The following CENPU variants were observed in gnomAD, a reference collection of about 807,000 sequenced individuals.
CENPU encodes centromere protein U, also known as KSHV latent nuclear antigen interacting protein 1.
In CENPU, 46 loss-of-function variants were observed where a neutral mutation model predicts 56.7. That is an observed-to-expected ratio of 0.81 (90% confidence interval 0.64 to 1.04). The LOEUF is 1.04. Among genes scored for constraint, CENPU ranks in the 50% least tolerant of loss-of-function variants. The pLI, the probability that CENPU is intolerant of heterozygous loss-of-function variation, is 0.00. For synonymous variants in CENPU, 166 were observed against 163.0 expected (o/e 1.02, Z -0.14); for missense variants, 510 against 490.1 (o/e 1.04, Z -0.38).
chr4:184,723,431 T>C (rs1253952444), intron 4 of CENPU, among the ~76,000 whole-genome samples: 1 of 152,200 alleles, frequency 6.6e-6, no homozygotes, highest in Non-Finnish European at 1.5e-5. Flanking sequence ...TTTATATTTT[T>C]AAACCATGTG....
At position 184,694,721 on chromosome 4, in the gene CENPU, A is replaced by G. The variant is rs139439382; in HGVS notation, c.*567T>C. The G allele has an allele frequency of 2.1e-5, 34 of 1,613,136 alleles. No homozygotes were observed. Among genetic ancestry groups the G allele is most frequent in the African/African-American group, 2.7e-5 (2 of 74,926 alleles). On this transcript the variant is annotated 3_prime_UTR_variant, in exon 13 of 13. Coordinates refer to ENST00000281453, the MANE Select transcript of CENPU (RefSeq NM_024629.4). ...GCTGCAGAGAACAGTCTTCTCAGTT[A>G]TAACAGTGAAGTGGATGAAATTCCT...
intron 8 of CENPU, among the ~76,000 whole-genome samples, chr4:184,704,412 C>T (rs187266184): frequency 1.8e-4 from 27 of 152,058 alleles, no homozygotes; most frequent in African/African-American, 5.3e-4. Context: ...AGTGTGTATC[C>T]TGGGAGGAAT....
chr4:184,717,613 T>C (rs1345518126), intron 4 of CENPU, among the ~76,000 whole-genome samples: 1 of 152,220 alleles, frequency 6.6e-6, no homozygotes, highest in Non-Finnish European at 1.5e-5. Flanking sequence ...TGAAAACTCA[T>C]CTTTTCATTC....
At chr4:184,705,900 A>G (rs1019286184) in intron 8 of CENPU, among the ~76,000 whole-genome samples, 1 of 152,238 alleles carries the variant, frequency 6.6e-6, no homozygotes, top group Non-Finnish European at 1.5e-5. Flanking sequence ...AAGTATTCGA[A>G]GTAGTCAACT....
intron 11 of CENPU, among the ~76,000 whole-genome samples, chr4:184,699,331 AAAATAAATAAAT>A (rs536080864): frequency 6.7e-6 from 1 of 149,656 alleles, no homozygotes; most frequent in Non-Finnish European, 1.5e-5. Flanking sequence ...CTCCGTCTCA[AAAATAAATAAAT>A]AAATAAATAA....
intron 4 of CENPU, among the ~76,000 whole-genome samples, chr4:184,719,723 C>T (rs1379398156): frequency 6.6e-6 from 1 of 152,146 alleles, no homozygotes; most frequent in Non-Finnish European, 1.5e-5. Context: ...CCCATGGCTC[C>T]AAAAGAGACC....
At chr4:184,716,310 GA>G in intron 6 of CENPU, 86 bp downstream of exon 6, 1 of 792,310 alleles carries the variant, frequency 1.3e-6, no homozygotes, top group Non-Finnish European at 2.1e-6. Flanking sequence ...GAAAAGATCT[GA>G]AGGAAAGAGA....
At chr4:184,705,579 TAA>T (rs59492907) in intron 8 of CENPU, among the ~76,000 whole-genome samples, 1 of 149,702 alleles carries the variant, frequency 6.7e-6, no homozygotes, top group Non-Finnish European at 1.5e-5. Context: ...GACATTTAAT[TAA>T]AAAAAAAAGT....
At chr4:184,709,395 G>T (rs971859206) in intron 8 of CENPU, among the ~76,000 whole-genome samples, 10 of 151,752 alleles carry the variant, frequency 6.6e-5, no homozygotes, top group Non-Finnish European at 1.5e-4. Context: ...GCTGAGGCAG[G>T]AGAATTGCTT....
chr4:184,711,339 A>G (rs1389728274), intron 7 of CENPU, among the ~76,000 whole-genome samples: 2 of 152,170 alleles, frequency 1.3e-5, no homozygotes, highest in Non-Finnish European at 2.9e-5. Context: ...TGATGTTTCA[A>G]TACATGTATG....
chr4:184,710,846 A>AT (rs1038870999), intron 7 of CENPU, among the ~76,000 whole-genome samples: 44 of 151,984 alleles, frequency 2.9e-4, no homozygotes, highest in Admixed American at 1.6e-3. Flanking sequence ...GCATACCCTA[A>AT]TTTTTTTTCT....
Position 184,697,715 on chromosome 4 carries a change from A to C in CENPU, c.1075T>G (p.Ser359Ala). 1 of 1,612,380 alleles carries C rather than the reference A, an allele frequency of 6.2e-7. No individual in the cohort carries two copies. Among genetic ancestry groups the C allele is most frequent in the Non-Finnish European group, 8.5e-7 (1 of 1,178,758 alleles). The change falls in exon 12 of 13, where the codon TCT (serine) becomes GCT (alanine). Residue 359 changes from serine (S) to alanine (A), a missense_variant. Physicochemically the swap from Ser to Ala is moderately conservative, Grantham distance 99 (BLOSUM62 1). Transcript: ENST00000281453. ...TCTTGATAAAGCTGTTTTAAATTAG[A>C]TAAGAAATATGCTGCATTCCTAAGG... The part of the protein sequence containing the change: ...SSLRNAAYFL[S>A]NLKQLYQDYS...
chr4:184,711,717 T>C (rs1402282614), intron 7 of CENPU, among the ~76,000 whole-genome samples: 2 of 152,208 alleles, frequency 1.3e-5, no homozygotes, highest in Non-Finnish European at 2.9e-5. Context: ...TTTGCAAAGT[T>C]TGGCAGTTTC....
At chr4:184,697,227 T>C (rs144640708) in intron 12 of CENPU, among the ~76,000 whole-genome samples, 151 of 152,112 alleles carry the variant, frequency 9.9e-4, no homozygotes, top group African/African-American at 3.5e-3. Context: ...TACGGGAAAA[T>C]AGCTTGTTTT....
At chr4:184,713,044 GAA>G (rs1760976720) in intron 6 of CENPU, 31 bp from the exon 7 acceptor site, 1 of 1,409,952 alleles carries the variant, frequency 7.1e-7, no homozygotes, top group Non-Finnish European at 9.8e-7. Flanking sequence ...AAGTTTTTAA[GAA>G]AAGTTTTCTT....
intron 12 of CENPU, among the ~76,000 whole-genome samples, chr4:184,697,312 T>C (rs1243888408): frequency 6.6e-6 from 1 of 152,068 alleles, no homozygotes; most frequent in African/African-American, 2.4e-5. Context: ...GGCTGAGTGG[T>C]CTTACATGAA....
rs183602654 is a variant in CENPU at position 184,700,897 on chromosome 4, A to G, written c.925-16T>C. On this transcript the variant is annotated splice_polypyrimidine_tract_variant and intron_variant, in intron 10 of 12. Coordinates refer to ENST00000281453, the MANE Select transcript of CENPU (RefSeq NM_024629.4). ...CTGAAATCATCTAAGTAACACAATC[A>G]TTTGTGTTAAAATTAATTTGTAACT... The G allele has an allele frequency of 6.3e-6, 10 of 1,590,630 alleles. No individual in the cohort carries two copies. The East Asian group carries it at 2.0e-4, about 32-fold the overall frequency.
chr4:184,715,460 G>A (rs1449338633), intron 6 of CENPU, among the ~76,000 whole-genome samples: 4 of 152,044 alleles, frequency 2.6e-5, no homozygotes, highest in African/African-American at 4.8e-5. Flanking sequence ...TTACAGGCAC[G>A]CGCCACCACA....
intron 1 of CENPU, chr4:184,733,193 G>A (rs1761716225): frequency 3.3e-6 from 1 of 300,332 alleles, no homozygotes; most frequent in Non-Finnish European, 4.9e-6. Flanking sequence ...CACTGGGGGA[G>A]TCTTCATTCT....
Sources: allele counts gnomAD v4.1 joint callset (sites outside exome capture counted in the v4.1 genomes callset), GRCh38; gene constraint gnomAD v4.1.1; transcripts MANE v1.5; gene names NCBI Gene and HGNC (gene_info 2026-07-23, HGNC 2026-07-21).